Variants in TFEB observed in about 807,000 individuals in gnomAD.
TFEB encodes transcription factor EB, also known as T-cell transcription factor EB.
A neutral mutation model predicts 48.0 loss-of-function variants in TFEB; 12 were observed. That is an observed-to-expected ratio of 0.25 (90% confidence interval 0.16 to 0.40). TFEB has a LOEUF of 0.40. TFEB is among the 10% of genes least tolerant of loss of function. The pLI is 1.00. For missense variants in TFEB, 509 were observed against 640.3 expected, an observed-to-expected ratio of 0.79 and a Z score of 2.21; for synonymous variants, 244 against 261.4, an observed-to-expected ratio of 0.93 and a Z score of 0.64.
At chr6:41,714,142 T>TGTGTGC (rs796236647) in intron 1 of TFEB, among the ~76,000 whole-genome samples, 1 of 65,796 alleles carries the variant, frequency 1.5e-5, no homozygotes, top group South Asian at 7.9e-4. Context: ...CATGTGTGCG[T>TGTGTGC]GTGTGTGCAT....
intron 1 of TFEB, among the ~76,000 whole-genome samples, chr6:41,700,938 G>A (rs942218860): frequency 4.6e-5 from 7 of 152,358 alleles, no homozygotes; most frequent in Admixed American, 1.3e-4. Context: ...TGTCCCACTG[G>A]GACCAGCTGG....
chr6:41,719,745 G>A (rs1770898320), intron 1 of TFEB, among the ~76,000 whole-genome samples: 1 of 152,204 alleles, frequency 6.6e-6, no homozygotes, highest in Non-Finnish European at 1.5e-5. Flanking sequence ...AATGGTCAGA[G>A]AGATTCAGTC....
chr6:41,720,495 T>A lies in TFEB; in HGVS notation c.-23+14855A>T, dbSNP rs530484408. ...AGCTCTTCATACTTCCTGCAGCCGG[T>A]TCATCCACAATAGGTCACAAGATGG... is the stretch of plus-strand genomic sequence containing the variant. On this transcript the variant is annotated intron_variant, in intron 1 of 8. Transcript: ENST00000373033. The surrounding 1 kb of genome is among the most constrained non-coding windows in gnomAD (Gnocchi z 4.1). The A allele has an allele frequency of 6.6e-6, 1 of 152,336 alleles. No individual in the cohort carries two copies. The highest frequency in any genetic ancestry group is 2.1e-4 in the South Asian group (1 of 4,800). 9.4% of individuals were successfully genotyped at this position (152,336 alleles called of 1,614,324 possible).
At chr6:41,712,591 C>T (rs745876817) in intron 1 of TFEB, among the ~76,000 whole-genome samples, 19 of 152,180 alleles carry the variant, frequency 1.2e-4, no homozygotes, top group Non-Finnish European at 1.8e-4. Context: ...AGGACTCATA[C>T]CCTTAATCAC....
In TFEB at chr6:41,684,953, G is replaced by A. The variant is rs377137291; in HGVS notation, c.1077C>T (p.Ala359=). 2 of 1,584,962 alleles carry A rather than the reference G, an allele frequency of 1.3e-6. No homozygotes were observed. Among genetic ancestry groups the A allele is most frequent in the South Asian group, 2.3e-5 (2 of 87,064 alleles). The change falls in exon 9 of 9, where the codon GCC becomes GCT. Residue 359 remains alanine, a synonymous_variant. Coordinates refer to ENST00000373033, the MANE Select transcript of TFEB (RefSeq NM_001271944.2). The stretch of plus-strand genomic sequence containing the variant: ...CAGGGACCTCAGCCCCCAGCATCAG[G>A]GCCTCCCCTGGGCCCTCTTCGCTAG... The part of the protein sequence containing the change: ...ELPSEEGPGE[A]LMLGAEVPDP...
At chr6:41,686,329 G>T in intron 7 of TFEB, 92 bp from the exon 8 acceptor site, 1 of 1,530,856 alleles carries the variant, frequency 6.5e-7, no homozygotes. Flanking sequence ...TATGTGGCCT[G>T]TCCCAGTCTT....
At chr6:41,728,203 G>A (rs1561874162) in intron 1 of TFEB, among the ~76,000 whole-genome samples, 2 of 152,184 alleles carry the variant, frequency 1.3e-5, no homozygotes, top group South Asian at 4.1e-4. Flanking sequence ...CTAGGACATC[G>A]GCACCTTGCG....
chr6:41,689,842 G>T, intron 3 of TFEB, 31 bp from the exon 4 acceptor site: 1 of 1,589,654 alleles, frequency 6.3e-7, no homozygotes, highest in Non-Finnish European at 8.6e-7. Flanking sequence ...TCTGGGGAGG[G>T]CCCACCACGA....
chr6:41,726,174 T>G (rs1321409547), intron 1 of TFEB, among the ~76,000 whole-genome samples: 3 of 152,118 alleles, frequency 2.0e-5, no homozygotes, highest in Non-Finnish European at 2.9e-5. Flanking sequence ...ACAACATAAG[T>G]GACTCTCACA....
intron 1 of TFEB, among the ~76,000 whole-genome samples, chr6:41,731,713 G>A (rs995559544): frequency 1.1e-4 from 16 of 152,212 alleles, no homozygotes; most frequent in Admixed American, 3.9e-4. Flanking sequence ...CTCACCCAAT[G>A]ATCCCCACAG....
At chr6:41,697,506 C>G (rs996079269) in intron 1 of TFEB, among the ~76,000 whole-genome samples, 4 of 150,244 alleles carry the variant, frequency 2.7e-5, no homozygotes, top group Admixed American at 2.0e-4. Flanking sequence ...TCTCCAAACC[C>G]CCCCCCTTCC....
rs369809425 is a variant in TFEB at position 41,684,640 on chromosome 6, G to A, written c.1390C>T (p.Arg464Cys). 2.5e-5 allele frequency: 41 copies of A among 1,608,524 alleles called. No homozygotes were observed. The highest frequency in any genetic ancestry group is 3.1e-5 in the Non-Finnish European group (37 of 1,177,586). Residue 464 changes from arginine (R) to cysteine (C), a missense_variant, in exon 9 of 9, where the codon CGC becomes TGC. Transcript: ENST00000373033. Reference sequence around the variant, plus strand: ...TCCTCCATGCTGAAGCTGCTCCGGCGGCTGCTGGCCTTGGAGGCCTCGGGG... The same window carrying A: ...TCCTCCATGCTGAAGCTGCTCCGGCAGCTGCTGGCCTTGGAGGCCTCGGGG... ...MSPEASKASSRRSSFSMEEGD... is the reference protein window; with the variant it reads ...MSPEASKASSCRSSFSMEEGD...
intron 3 of TFEB, 124 bp from the exon 4 acceptor site, chr6:41,689,935 G>A (rs115794288): frequency 0.076 from 50,885 of 669,496 alleles, 2,316 homozygotes; most frequent in Non-Finnish European, 0.09. Context: ...ACTTATCTGG[G>A]GAAAGAGGAA....
chr6:41,688,854 G>C (rs749227157), intron 4 of TFEB, among the ~76,000 whole-genome samples: 61 of 152,192 alleles, frequency 4.0e-4, no homozygotes, highest in Non-Finnish European at 5.4e-4. Flanking sequence ...CACAGGAACT[G>C]GGGACTTTCC....
chr6:41,723,222 A>G lies in TFEB; in HGVS notation c.-23+12128T>C, dbSNP rs1771056309. Among the ~76,000 whole-genome samples the G allele has an allele frequency of 6.6e-6, 1 of 151,576 alleles. No individual in the cohort carries two copies. Among genetic ancestry groups the G allele is most frequent in the Non-Finnish European group, 1.5e-5 (1 of 67,878 alleles). On this transcript the variant is annotated intron_variant, in intron 1 of 8. Coordinates refer to ENST00000373033, the MANE Select transcript of TFEB (RefSeq NM_001271944.2). This position sits in a 1 kb window ranked among gnomAD's most constrained non-coding sequence, Gnocchi z 6.0. ...CCAGAGCTTGGCCACCTTCTTCCCC[A>G]TTCTTTCCCTCACCCCAGCCTTGGC...
At chr6:41,716,778 G>A (rs1337374813) in intron 1 of TFEB, among the ~76,000 whole-genome samples, 1 of 152,138 alleles carries the variant, frequency 6.6e-6, no homozygotes, top group African/African-American at 2.4e-5. Context: ...TGGGCAAACA[G>A]CCCTCCAGGA....
intron 6 of TFEB, 114 bp downstream of exon 6, chr6:41,687,639 A>T: frequency 7.4e-7 from 1 of 1,348,370 alleles, no homozygotes; most frequent in Non-Finnish European, 1.0e-6. Context: ...CTGCAAGTGA[A>T]TTGGCCTTGA....
At chr6:41,717,934 G>A (rs1410197226) in intron 1 of TFEB, among the ~76,000 whole-genome samples, 4 of 152,106 alleles carry the variant, frequency 2.6e-5, no homozygotes, top group Admixed American at 2.6e-4. Flanking sequence ...AGGCCTTTGA[G>A]ATACCCTAGA....
chr6:41,684,802 G>T lies in TFEB; in HGVS notation c.1228C>A (p.Pro410Thr), dbSNP rs200419657. 1.1e-4 allele frequency: 169 copies of T among 1,603,166 alleles called. No homozygotes were observed. The East Asian group carries it at 3.1e-3, about 29-fold the overall frequency. Residue 410 changes from proline to threonine, a missense_variant, in exon 9 of 9, where the codon CCC (proline) becomes ACC (threonine). Coordinates refer to ENST00000373033, the MANE Select transcript of TFEB (RefSeq NM_001271944.2). ...LSFGGREDEG[P>T]PGYPEPLAPG... ...GCCAGGGGTTCGGGGTAGCCCGGGG[G>T]ACCCTCGTCCTCCCTGCCCCCAAAG... is the stretch of plus-strand genomic sequence containing the variant.
Sources: allele counts gnomAD v4.1 joint callset (sites outside exome capture counted in the v4.1 genomes callset), GRCh38; gene constraint gnomAD v4.1.1; non-coding constraint Gnocchi (gnomAD v3.1); transcripts MANE v1.5; gene names NCBI Gene and HGNC (gene_info 2026-07-23, HGNC 2026-07-21).